KCTD1: variants seen among roughly 807,000 people sequenced by gnomAD.
KCTD1 encodes the protein BTB/POZ domain-containing protein KCTD1.
Under a neutral mutation model 66.0 loss-of-function variants are expected in KCTD1, and 24 were observed. That is an observed-to-expected ratio of 0.36 (90% CI 0.26 to 0.51). The LOEUF is 0.51. KCTD1 is among the 20% of genes least tolerant of loss of function. The pLI, the probability that KCTD1 is intolerant of heterozygous loss-of-function variation, is 0.95. For missense variants in KCTD1, 943 were observed against 1,205.2 expected (o/e 0.78, Z 3.22); for synonymous variants, 511 against 517.2 (o/e 0.99, Z 0.16).
chr18:26,647,538 AAAAAAAAAAAAAAAAAG>A (rs1987953135), intron 1 of KCTD1, among the ~76,000 whole-genome samples: 1 of 144,840 alleles, frequency 6.9e-6, no homozygotes, highest in South Asian at 2.2e-4. Context: ...AAAAAAAAAA[AAAAAAAAAAAAAAAAAG>A]GGCTGAATTC....
chr18:26,546,659 A>G, intron 1 of KCTD1, 69 bp downstream of exon 1: 2 of 1,472,444 alleles, frequency 1.4e-6, no homozygotes, highest in Non-Finnish European at 9.0e-7. Context: ...CCAGAGCTGC[A>G]TTAGCACAAA....
intron 1 of KCTD1, among the ~76,000 whole-genome samples, chr18:26,617,185 C>T (rs1335242449): frequency 2.0e-5 from 3 of 152,152 alleles, no homozygotes; most frequent in African/African-American, 7.2e-5. Context: ...ACAAATTGGC[C>T]ATCCCAAAAT....
chr18:26,509,054 G>A (rs1286399316), intron 1 of KCTD1, among the ~76,000 whole-genome samples: 7 of 151,872 alleles, frequency 4.6e-5, no homozygotes, highest in African/African-American at 1.7e-4. Flanking sequence ...CTATTTATTG[G>A]GCACCTATCA....
upstream of KCTD1, among the ~76,000 whole-genome samples, chr18:26,633,087 T>G (rs1987655691): frequency 6.6e-6 from 1 of 152,016 alleles, no homozygotes; most frequent in Admixed American, 6.6e-5. Flanking sequence ...GAGGATATTA[T>G]AAAGCTGTTA....
chr18:26,534,318 G>A (rs551855216), intron 1 of KCTD1, among the ~76,000 whole-genome samples: 62 of 152,094 alleles, frequency 4.1e-4, no homozygotes, highest in African/African-American at 1.4e-3. Flanking sequence ...ATTTTAGTGA[G>A]TCACATAGTA....
chr18:26,599,946 G>T (rs1986851742), intron 1 of KCTD1: 1 of 1,597,856 alleles, frequency 6.3e-7, no homozygotes, highest in Middle Eastern at 1.8e-4. Flanking sequence ...TCACCAAGAA[G>T]TCTTCTCCTT....
chr18:26,611,667 T>C (rs1444051940), intron 1 of KCTD1, among the ~76,000 whole-genome samples: 1 of 152,206 alleles, frequency 6.6e-6, no homozygotes, highest in Non-Finnish European at 1.5e-5. Context: ...ACTGTTTTAG[T>C]GCCCTATCTG....
intron 1 of KCTD1, among the ~76,000 whole-genome samples, chr18:26,620,423 C>G (rs942433910): frequency 8.4e-6 from 1 of 118,924 alleles, no homozygotes; most frequent in East Asian, 2.5e-4. Context: ...TGACAGCAAT[C>G]AAAATTGCAT....
chr18:26,652,749 G>C (rs1226001183), intron 1 of KCTD1, among the ~76,000 whole-genome samples: 2 of 152,194 alleles, frequency 1.3e-5, no homozygotes, highest in Non-Finnish European at 2.9e-5. Flanking sequence ...AGGGATTAAA[G>C]AATGACTAGA....
intron 3 of KCTD1, among the ~76,000 whole-genome samples, chr18:26,466,622 G>A (rs1741392426): frequency 6.6e-6 from 1 of 152,152 alleles, no homozygotes; most frequent in Non-Finnish European, 1.5e-5. Flanking sequence ...GGCCCCAAAT[G>A]TTACTTTGAG....
chr18:26,597,969 CTATTGCTCAG>C (rs1986807064), intron 1 of KCTD1, among the ~76,000 whole-genome samples: 1 of 152,140 alleles, frequency 6.6e-6, no homozygotes, highest in Non-Finnish European at 1.5e-5. Context: ...CTTCTAGATA[CTATTGCTCAG>C]TGCAAGAAAC....
chr18:26,465,696 C>T (rs958031133), intron 3 of KCTD1, among the ~76,000 whole-genome samples: 13 of 152,286 alleles, frequency 8.5e-5, no homozygotes, highest in Admixed American at 6.5e-4. Flanking sequence ...GGCAGGCCCA[C>T]CAGCATTCTG....
upstream of KCTD1, among the ~76,000 whole-genome samples, chr18:26,641,793 G>A (rs928114384): frequency 6.6e-6 from 1 of 152,140 alleles, no homozygotes; most frequent in Non-Finnish European, 1.5e-5. Context: ...CTAATGGCAG[G>A]TATCAGATCT....
chr18:26,597,329 T>C (rs1395241523), intron 1 of KCTD1, among the ~76,000 whole-genome samples: 1 of 151,824 alleles, frequency 6.6e-6, no homozygotes, highest in East Asian at 1.9e-4. Flanking sequence ...AGGAACAAAC[T>C]TGAGGTGTGG....
At chr18:26,632,217 T>C (rs1987636255), upstream of KCTD1, among the ~76,000 whole-genome samples, 1 of 151,832 alleles carries the variant, frequency 6.6e-6, no homozygotes, top group African/African-American at 2.4e-5. Flanking sequence ...AAACCCCCTC[T>C]CTACTAAAAA....
chr18:26,513,542 A>T (rs115068963), intron 1 of KCTD1, among the ~76,000 whole-genome samples: 1 of 152,242 alleles, frequency 6.6e-6, no homozygotes, highest in Non-Finnish European at 1.5e-5. Context: ...ACCTAAACTC[A>T]GAACGTTTTC....
intron 2 of KCTD1, among the ~76,000 whole-genome samples, chr18:26,499,296 G>A (rs116807277): frequency 5.3e-5 from 8 of 152,144 alleles, no homozygotes; most frequent in African/African-American, 1.9e-4. Flanking sequence ...ACAGAGGGTC[G>A]GAAGGAATGG....
chr18:26,564,537 A>G (rs886459111), intron 1 of KCTD1, among the ~76,000 whole-genome samples: 10 of 152,100 alleles, frequency 6.6e-5, no homozygotes, highest in Non-Finnish European at 1.5e-4. Flanking sequence ...TAATACTTCT[A>G]TATTATTTTA....
intron 1 of KCTD1, among the ~76,000 whole-genome samples, chr18:26,503,920 C>G (rs906673696): frequency 6.6e-6 from 1 of 152,178 alleles, no homozygotes; most frequent in Non-Finnish European, 1.5e-5. Context: ...GGTGAGCCCT[C>G]TTGGTTCTCC....
Sources: gnomAD v4.1 joint callset for allele counts (sites outside exome capture counted in the v4.1 genomes callset) on GRCh38, gnomAD v4.1.1 for gene constraint, MANE v1.5 for transcripts, NCBI Gene and HGNC (gene_info 2026-07-23, HGNC 2026-07-21) for gene names.